DLG2: variants seen among roughly 807,000 people sequenced by gnomAD.
DLG2 encodes the protein disks large homolog 2.
A neutral mutation model predicts 132.5 loss-of-function variants in DLG2; 45 were observed. The ratio of observed to expected loss-of-function variants is 0.34; its 90% CI spans 0.27 to 0.44. DLG2 has a LOEUF of 0.44. Among genes scored for constraint, DLG2 ranks in the 20% least tolerant of loss-of-function variants. The pLI is 1.00. For missense variants in DLG2, 1,045 were observed against 1,196.9 expected (o/e 0.87, Z 1.87); for synonymous variants, 424 against 419.6 (o/e 1.01, Z -0.13).
In DLG2 at chr11:85,515,300, G is replaced by A. The variant is rs114750413; in HGVS notation, c.40+83357C>T. ...GAATATGAGTTCTCTAACGGGGGCA[G>A]ATACTGTGAGTAGTGGACCTAAACA... is the stretch of plus-strand genomic sequence containing the variant. On this transcript the variant is annotated intron_variant, in intron 3 of 27. Coordinates refer to ENST00000376104, the MANE Select transcript of DLG2 (RefSeq NM_001142699.3). Among the ~76,000 whole-genome samples the A allele has an allele frequency of 1.1e-3, 168 of 152,024 alleles. 1 individual carries two copies. Among genetic ancestry groups the A allele is most frequent in the African/African-American group, 3.9e-3 (163 of 41,548 alleles).
intron 8 of DLG2, chr11:84,167,061 T>A (rs1245938824): frequency 3.9e-6 from 2 of 519,120 alleles, no homozygotes; most frequent in African/African-American, 2.0e-5. Context: ...TCCTCTCTAC[T>A]TTGAGAACTA....
chr11:85,489,356 G>A (rs1198163507), intron 3 of DLG2, among the ~76,000 whole-genome samples: 1 of 152,044 alleles, frequency 6.6e-6, no homozygotes, highest in Non-Finnish European at 1.5e-5. Context: ...TCAGCAAGAG[G>A]ATATAATCAT....
intron 4 of DLG2, among the ~76,000 whole-genome samples, chr11:85,194,031 A>C (rs1269662043): frequency 6.6e-6 from 1 of 152,230 alleles, no homozygotes; most frequent in Non-Finnish European, 1.5e-5. Flanking sequence ...GGCAGAATGC[A>C]CTTTAGCAGT....
chr11:85,611,956 G>C (rs963887573), intron 2 of DLG2, among the ~76,000 whole-genome samples: 1 of 152,064 alleles, frequency 6.6e-6, no homozygotes, highest in Non-Finnish European at 1.5e-5. Flanking sequence ...GAGATATAGA[G>C]AGAGAGAAAA....
At chr11:84,878,686 C>A (rs746516575) in intron 6 of DLG2, among the ~76,000 whole-genome samples, 1 of 151,810 alleles carries the variant, frequency 6.6e-6, no homozygotes, top group African/African-American at 2.4e-5. Context: ...CACATGTATA[C>A]CAGAACTTAA....
At chr11:85,477,463 A>G (rs1268926681) in intron 3 of DLG2, among the ~76,000 whole-genome samples, 4 of 152,244 alleles carry the variant, frequency 2.6e-5, no homozygotes, top group African/African-American at 9.6e-5. Context: ...GGTAATAACC[A>G]TGTATTCTAC....
chr11:85,261,986 A>T (rs754768155), intron 4 of DLG2, among the ~76,000 whole-genome samples: 7 of 152,182 alleles, frequency 4.6e-5, no homozygotes, highest in Non-Finnish European at 1.0e-4. Flanking sequence ...GAGAGAAAAA[A>T]GTTCATCTAA....
chr11:85,404,609 C>T (rs1275073498), intron 3 of DLG2, among the ~76,000 whole-genome samples: 2 of 151,834 alleles, frequency 1.3e-5, no homozygotes, highest in Non-Finnish European at 2.9e-5. Flanking sequence ...AAGGAGAGTA[C>T]AGGACAGCAC....
intron 11 of DLG2, among the ~76,000 whole-genome samples, chr11:84,014,962 A>G (rs2095096579): frequency 6.6e-6 from 1 of 152,076 alleles, no homozygotes; most frequent in South Asian, 2.1e-4. Context: ...TACCCATTTG[A>G]ATACATACGT....
At chr11:85,516,499 TTTG>T (rs1241935181) in intron 3 of DLG2, among the ~76,000 whole-genome samples, 1 of 151,876 alleles carries the variant, frequency 6.6e-6, no homozygotes, top group African/African-American at 2.4e-5. Context: ...AAATGAAAAG[TTTG>T]TTTTCTGTAA....
At chr11:84,089,156 T>G (rs1178997733) in intron 10 of DLG2, among the ~76,000 whole-genome samples, 1 of 152,194 alleles carries the variant, frequency 6.6e-6, no homozygotes, top group Non-Finnish European at 1.5e-5. Flanking sequence ...CTTATGCTAT[T>G]TCCACTTCCT....
intron 17 of DLG2, among the ~76,000 whole-genome samples, chr11:83,805,708 C>T (rs1237512619): frequency 2.0e-5 from 3 of 152,130 alleles, no homozygotes; most frequent in African/African-American, 7.2e-5. Context: ...ATCTGTGTTC[C>T]TAACTGCTTG....
At chr11:84,785,224 G>T (rs2072659916) in intron 6 of DLG2, among the ~76,000 whole-genome samples, 1 of 151,870 alleles carries the variant, frequency 6.6e-6, no homozygotes, top group South Asian at 2.1e-4. Flanking sequence ...CTCTTGCAAT[G>T]TATTTGTTTA....
intron 3 of DLG2, among the ~76,000 whole-genome samples, chr11:85,531,468 A>G (rs1484520114): frequency 6.6e-6 from 1 of 152,244 alleles, no homozygotes; most frequent in Non-Finnish European, 1.5e-5. Context: ...GGGGTATTCA[A>G]AAATAAATCA....
chr11:84,997,986 A>C (rs756380139), intron 6 of DLG2, among the ~76,000 whole-genome samples: 23 of 152,216 alleles, frequency 1.5e-4, no homozygotes, highest in Non-Finnish European at 3.1e-4. Context: ...TGGTACAGTG[A>C]AGAGTGCAAG....
intron 22 of DLG2, among the ~76,000 whole-genome samples, chr11:83,476,576 A>G (rs2092634417): frequency 6.6e-6 from 1 of 152,148 alleles, no homozygotes; most frequent in African/African-American, 2.4e-5. Flanking sequence ...ATATACGTAC[A>G]GTCCTTAAAA....
chr11:83,727,994 T>A (rs2090330389), intron 18 of DLG2, among the ~76,000 whole-genome samples: 1 of 152,198 alleles, frequency 6.6e-6, no homozygotes, highest in Admixed American at 6.5e-5. Flanking sequence ...TGGTTAGTGG[T>A]ATCACAATTG....
chr11:84,336,119 T>G (rs2098483506), intron 7 of DLG2, among the ~76,000 whole-genome samples: 1 of 152,236 alleles, frequency 6.6e-6, no homozygotes, highest in Admixed American at 6.5e-5. Flanking sequence ...TTTTCTCATT[T>G]TGGGGGGGCC....
chr11:84,728,299 AG>A (rs1408573027), intron 6 of DLG2, among the ~76,000 whole-genome samples: 3 of 152,154 alleles, frequency 2.0e-5, no homozygotes, highest in Non-Finnish European at 4.4e-5. Flanking sequence ...TTTAGCATGA[AG>A]GGGTGTTGAA....
Sources: allele counts gnomAD v4.1 joint callset (sites outside exome capture counted in the v4.1 genomes callset), GRCh38; gene constraint gnomAD v4.1.1; transcripts MANE v1.5; gene names NCBI Gene and HGNC (gene_info 2026-07-23, HGNC 2026-07-21).